WBP1L: variants seen among roughly 807,000 people sequenced by gnomAD.
WBP1L encodes WW domain binding protein 1 like, also known as WW domain binding protein 1-like.
WBP1L carries 17 observed loss-of-function variants against 33.7 expected under a neutral mutation model. The ratio of observed to expected loss-of-function variants is 0.50; its 90% CI spans 0.34 to 0.76. WBP1L has a LOEUF of 0.76. Ranked by LOEUF, WBP1L falls within the 30% of genes least tolerant of loss-of-function variation. The pLI is 0.01. For missense variants in WBP1L, 389 were observed against 469.4 expected (o/e 0.83, Z 1.58); for synonymous variants, 173 against 190.8 (o/e 0.91, Z 0.77).
chr10:102,761,904 G>A (rs7912147), intron 1 of WBP1L, among the ~76,000 whole-genome samples: 29,284 of 152,112 alleles, frequency 0.19, 2,958 homozygotes, highest in Middle Eastern at 0.3. Flanking sequence ...CTGGAGTGCA[G>A]TGGCGTGATC....
Position 102,774,759 on chromosome 10 carries a change from T to C in WBP1L, c.91-23234T>C, listed in dbSNP as rs1590176184. On this transcript the variant is annotated intron_variant, in intron 1 of 3. Coordinates refer to ENST00000448841, the MANE Select transcript of WBP1L (RefSeq NM_001083913.2). ...GGATAAGTATCATGAAAGAAAATTG[T>C]TGCAGAAAATGAAAGGAAAGATGAA... is the stretch of plus-strand genomic sequence containing the variant. Among the ~76,000 whole-genome samples the C allele has an allele frequency of 2.6e-5, 4 of 152,294 alleles. No homozygotes were observed. The South Asian group carries it at 8.3e-4, about 32-fold the overall frequency.
intron 1 of WBP1L, among the ~76,000 whole-genome samples, chr10:102,744,695 A>T (rs1293269479): frequency 6.6e-6 from 1 of 151,802 alleles, no homozygotes; most frequent in African/African-American, 2.4e-5. Context: ...TGGAGGGAGG[A>T]CTCTCAGAAG....
intron 1 of WBP1L, among the ~76,000 whole-genome samples, chr10:102,783,303 C>T (rs1843363529): frequency 6.6e-6 from 1 of 152,216 alleles, no homozygotes; most frequent in South Asian, 2.1e-4. Context: ...ATGTGAAAAT[C>T]ACACCCCCAC....
chr10:102,766,867 G>A (rs995322402), intron 1 of WBP1L, among the ~76,000 whole-genome samples: 10 of 152,136 alleles, frequency 6.6e-5, no homozygotes, highest in African/African-American at 2.4e-4. Context: ...TTTCATCTGA[G>A]TGTGTTTCAT....
chr10:102,785,084 G>C (rs1432414128), intron 1 of WBP1L, among the ~76,000 whole-genome samples: 3 of 151,052 alleles, frequency 2.0e-5, no homozygotes, highest in Non-Finnish European at 2.9e-5. Flanking sequence ...ATGGTAGCCG[G>C]GCAGATCTTG....
chr10:102,789,862 C>A (rs2134052757), intron 1 of WBP1L, among the ~76,000 whole-genome samples: 1 of 151,832 alleles, frequency 6.6e-6, no homozygotes, highest in African/African-American at 2.4e-5. Context: ...CCTGCCTCAG[C>A]CTCCCGAGTA....
chr10:102,807,964 T>C lies in WBP1L; in HGVS notation c.194-1929T>C, dbSNP rs146090894. Among the ~76,000 whole-genome samples, 605 of 152,086 alleles carry C rather than the reference T, an allele frequency of 4.0e-3. 7 individuals are homozygous for C. Among genetic ancestry groups the C allele is most frequent in the African/African-American group, 4.0e-3 (168 of 41,492 alleles). On this transcript the variant is annotated intron_variant, in intron 2 of 3. Coordinates refer to ENST00000448841, the MANE Select transcript of WBP1L (RefSeq NM_001083913.2). ...GCTCACACCTGTAATCCTAGCACTT[T>C]GGGAGGCTGAGACGTGAGGATCTCT...
At chr10:102,755,870 C>A (rs1202333603) in intron 1 of WBP1L, among the ~76,000 whole-genome samples, 1 of 144,282 alleles carries the variant, frequency 6.9e-6, no homozygotes, top group African/African-American at 2.6e-5. Flanking sequence ...ATGGTGAAAC[C>A]CCGTCTCTAC....
chr10:102,803,750 A>G (rs1379763889), intron 2 of WBP1L, among the ~76,000 whole-genome samples: 2 of 151,880 alleles, frequency 1.3e-5, no homozygotes, highest in Non-Finnish European at 2.9e-5. Flanking sequence ...CTGGGACTAT[A>G]GGTGCCTGCC....
At chr10:102,768,625 A>G (rs74707152) in intron 1 of WBP1L, among the ~76,000 whole-genome samples, 5 of 43,652 alleles carry the variant, frequency 1.1e-4, no homozygotes, top group African/African-American at 3.6e-4. Flanking sequence ...TCCTGACCTC[A>G]TGATCCACCC....
chr10:102,787,915 TAATAATACAA>T (rs1843440115), intron 1 of WBP1L, among the ~76,000 whole-genome samples: 1 of 150,382 alleles, frequency 6.6e-6, no homozygotes, highest in Non-Finnish European at 1.5e-5. Context: ...CTGTCTCTAT[TAATAATACAA>T]AAAATTAGCT....
At chr10:102,755,312 C>A (rs2778038) in intron 1 of WBP1L, among the ~76,000 whole-genome samples, 117,722 of 151,908 alleles carry the variant, frequency 0.77, 45,876 homozygotes, top group Non-Finnish European at 0.8. Context: ...GTGGTGATTC[C>A]CAGGCATAGT....
chr10:102,813,134 G>C lies in WBP1L; in HGVS notation c.895G>C (p.Asp299His). ...EFNTLIDDAL[D>H]GPLDFCDSCH... ...CAACACACTCATCGATGATGCTCTGGATGGGCCCCTGGACTTCTGCGACAG... is the reference window on the plus strand; with the variant it reads ...CAACACACTCATCGATGATGCTCTGCATGGGCCCCTGGACTTCTGCGACAG... Residue 299 changes from aspartate to histidine, a missense_variant, in exon 4 of 4, where the codon GAT becomes CAT. Coordinates refer to ENST00000448841, the MANE Select transcript of WBP1L (RefSeq NM_001083913.2). 2 of 1,614,036 alleles carry C rather than the reference G, an allele frequency of 1.2e-6. No homozygotes were observed.
chr10:102,778,226 C>T (rs1202973856), intron 1 of WBP1L, among the ~76,000 whole-genome samples: 1 of 152,136 alleles, frequency 6.6e-6, no homozygotes, highest in South Asian at 2.1e-4. Flanking sequence ...GTGCAGGAAA[C>T]GAGAAGCGAA....
chr10:102,767,615 G>T (rs542114593), intron 1 of WBP1L, among the ~76,000 whole-genome samples: 14 of 152,306 alleles, frequency 9.2e-5, no homozygotes, highest in African/African-American at 3.4e-4. Context: ...CCACTTTGGA[G>T]ACCGAGAGCA....
At chr10:102,757,569 C>CTTTTTTTTTTTTTTTTTTT (rs60213859) in intron 1 of WBP1L, among the ~76,000 whole-genome samples, 7 of 88,812 alleles carry the variant, frequency 7.9e-5, no homozygotes, top group African/African-American at 1.4e-4. Context: ...GTTTCTGAGC[C>CTTTTTTTTTTTTTTTTTTT]TTTTTTTTTT....
In WBP1L at chr10:102,813,594, T is replaced by C. The variant is rs1239925638; in HGVS notation, c.*263T>C. On this transcript the variant is annotated 3_prime_UTR_variant, in exon 4 of 4. Coordinates refer to ENST00000448841, the MANE Select transcript of WBP1L (RefSeq NM_001083913.2). ...TTCCTCATACCCTAACTCCATCTCC[T>C]TTCTTTAAAGTCAAATCTCACCTAC... 1.8e-5 allele frequency: 9 copies of C among 500,860 alleles called. No individual in the cohort carries two copies. The East Asian group carries it at 2.5e-4, about 14-fold the overall frequency. The allele number at this position is 500,860 out of a possible 1,614,324, so 31.0% of individuals were successfully genotyped here. A position where few individuals can be genotyped will look rare whatever the true frequency, so the allele number is the denominator to read the frequency against.
In WBP1L at chr10:102,812,928, G is replaced by A. The variant is rs1012965118; in HGVS notation, c.689G>A (p.Gly230Glu). 8 of 1,592,614 alleles carry A rather than the reference G, an allele frequency of 5.0e-6. No homozygotes were observed. Among genetic ancestry groups the A allele is most frequent in the Non-Finnish European group, 6.9e-6 (8 of 1,166,726 alleles). The change falls in exon 4 of 4, where the codon GGG becomes GAG. Residue 230 changes from glycine (G) to glutamate (E), a missense_variant. By Grantham distance (98) the Gly-to-Glu change is moderately conservative (BLOSUM62 -2). Transcript: ENST00000448841. ...GCTGGCCTGGGGGAGCTGGACCCGG[G>A]GGCCTTCCTGGACAAAGATGCAGAA... ...SVAGLGELDP[G>E]AFLDKDAECR... is the part of the protein sequence containing the mutation.
chr10:102,797,942 G>A, intron 1 of WBP1L, 51 bp from the exon 2 acceptor site: 2 of 1,494,662 alleles, frequency 1.3e-6, no homozygotes, highest in South Asian at 1.1e-5. Flanking sequence ...GAGAAGGAAA[G>A]TGTTCAAAAG....
Sources: allele counts gnomAD v4.1 joint callset (sites outside exome capture counted in the v4.1 genomes callset), GRCh38; gene constraint gnomAD v4.1.1; transcripts MANE v1.5; gene names NCBI Gene and HGNC (gene_info 2026-07-23, HGNC 2026-07-21).